Variants in VPS13B observed in about 807,000 individuals in gnomAD.
VPS13B encodes intermembrane lipid transfer protein VPS13B.
VPS13B carries 285 observed loss-of-function variants against 426.4 expected under a neutral mutation model. The observed-to-expected ratio is 0.67, with a 90% CI of 0.61 to 0.74. The LOEUF (loss-of-function observed/expected upper bound fraction) is 0.74, where lower values mean the gene tolerates loss of function less well. Among genes scored for constraint, VPS13B ranks in the 30% least tolerant of loss-of-function variants. The probability of loss-of-function intolerance (pLI) is 0.00; values close to 1 mark genes in which losing one functional copy is unlikely to be tolerated. For synonymous variants in VPS13B, 1,676 were observed against 1,676.4 expected (o/e 1.00, Z 0.01); for missense variants, 4,537 against 4,782.6 (o/e 0.95, Z 1.51).
At chr8:99,672,996 G>C (rs1047477696) in intron 35 of VPS13B, among the ~76,000 whole-genome samples, 1 of 151,906 alleles carries the variant, frequency 6.6e-6, no homozygotes, top group South Asian at 2.1e-4. Context: ...GCTTGATCAC[G>C]AGTAGATTTT....
At chr8:99,077,175 T>C (rs1845172168) in intron 3 of VPS13B, among the ~76,000 whole-genome samples, 1 of 150,636 alleles carries the variant, frequency 6.6e-6, no homozygotes, top group South Asian at 2.1e-4. Context: ...GTTACTGTTC[T>C]TTCATTTTTT....
chr8:99,188,982 C>T (rs928343402), intron 16 of VPS13B, among the ~76,000 whole-genome samples: 7 of 152,320 alleles, frequency 4.6e-5, no homozygotes, highest in Non-Finnish European at 4.4e-5. Flanking sequence ...TCACTGCAAG[C>T]TCCGCCTCCC....
At chr8:99,239,412 C>T (rs555926298) in intron 17 of VPS13B, among the ~76,000 whole-genome samples, 3 of 152,218 alleles carry the variant, frequency 2.0e-5, no homozygotes, top group Admixed American at 2.0e-4. Flanking sequence ...AACTGTGTTA[C>T]ATGTGGTTTT....
rs185707814 is a variant in VPS13B at position 99,766,117 on chromosome 8, C to T, written c.7051-657C>T. Among the ~76,000 whole-genome samples the T allele has an allele frequency of 5.1e-3, 711 of 139,938 alleles. 13 individuals carry two copies. Among genetic ancestry groups the T allele is most frequent in the Admixed American group, 0.047 (638 of 13,638 alleles). 91.8% of individuals were successfully genotyped at this position (139,938 alleles called of 152,430 possible). A position where few individuals can be genotyped will look rare whatever the true frequency, so the allele number is the denominator to read the frequency against. On this transcript the variant is annotated intron_variant, in intron 39 of 61. Coordinates refer to ENST00000357162, the MANE Select transcript of VPS13B (RefSeq NM_152564.5). ...TTGAGGCAGATTCTTGCTCTGTCGC[C>T]CAGGCTGGAGTGCAGTCACTGGTGT...
intron 3 of VPS13B, among the ~76,000 whole-genome samples, chr8:99,079,973 G>A (rs541665108): frequency 6.7e-6 from 1 of 150,118 alleles, no homozygotes; most frequent in East Asian, 1.9e-4. Flanking sequence ...GCCTGTTCAA[G>A]TTTTTTTAGT....
chr8:99,793,180 G>A (rs1446114781), intron 43 of VPS13B, among the ~76,000 whole-genome samples: 2 of 147,196 alleles, frequency 1.4e-5, no homozygotes, highest in Non-Finnish European at 1.5e-5. Context: ...CTCCAGCCTG[G>A]GCAACAGAGC....
chr8:99,107,464 C>G (rs1230658288), intron 5 of VPS13B, among the ~76,000 whole-genome samples: 2 of 151,932 alleles, frequency 1.3e-5, no homozygotes, highest in African/African-American at 4.8e-5. Flanking sequence ...ATAATTGGGC[C>G]ATCTATCTAT....
chr8:99,044,908 GC>G (rs1843152216), intron 3 of VPS13B, among the ~76,000 whole-genome samples: 1 of 119,402 alleles, frequency 8.4e-6, no homozygotes, highest in Admixed American at 8.7e-5. Flanking sequence ...ACCACCCCCC[GC>G]CCCCACGGTT....
chr8:99,786,287 A>G (rs1812261396), intron 43 of VPS13B, among the ~76,000 whole-genome samples: 1 of 152,158 alleles, frequency 6.6e-6, no homozygotes, highest in South Asian at 2.1e-4. Flanking sequence ...TATTCACAGC[A>G]TTCCTGTGCA....
chr8:99,171,641 G>A (rs1396782768), intron 16 of VPS13B, among the ~76,000 whole-genome samples: 1 of 151,904 alleles, frequency 6.6e-6, no homozygotes, highest in Non-Finnish European at 1.5e-5. Flanking sequence ...AATACTGAAA[G>A]CATGAGATCA....
At chr8:99,135,451 T>C in intron 10 of VPS13B, 145 bp from the exon 11 acceptor site, 2 of 1,127,360 alleles carry the variant, frequency 1.8e-6, no homozygotes, top group South Asian at 1.5e-5. Context: ...AAATAGTCAA[T>C]GAAGGTGGAG....
intron 19 of VPS13B, among the ~76,000 whole-genome samples, chr8:99,374,689 A>G (rs1813384596): frequency 6.6e-6 from 1 of 152,176 alleles, no homozygotes; most frequent in African/African-American, 2.4e-5. Flanking sequence ...TGATATTAGT[A>G]TAGTTCCGTT....
intron 21 of VPS13B, among the ~76,000 whole-genome samples, chr8:99,414,416 A>T (rs756553626): frequency 3.9e-5 from 6 of 152,138 alleles, no homozygotes; most frequent in African/African-American, 1.4e-4. Flanking sequence ...TAGCCCATTT[A>T]CATTTAAGGT....
At chr8:99,346,737 TGGTAGG>T (rs141185035) in intron 19 of VPS13B, 2,532 of 154,418 alleles carry the variant, frequency 0.016, 64 homozygotes, top group African/African-American at 0.058. Flanking sequence ...GATATCCTTG[TGGTAGG>T]GGTGCTGGTA....
intron 3 of VPS13B, among the ~76,000 whole-genome samples, chr8:99,088,731 G>C (rs1845979180): frequency 6.6e-6 from 1 of 152,062 alleles, no homozygotes. Context: ...AAGTTTAATT[G>C]GCTTGTTTAA....
At position 99,823,781 on chromosome 8, in the gene VPS13B, T is replaced by C. The variant is rs559637138; in HGVS notation, c.9184-51T>C. 3.2e-5 allele frequency: 51 copies of C among 1,577,644 alleles called. No individual in the cohort carries two copies. The East Asian group carries it at 6.5e-4, about 20-fold the overall frequency. On this transcript the variant is annotated intron_variant, in intron 50 of 61. Coordinates refer to ENST00000357162, the MANE Select transcript of VPS13B (RefSeq NM_152564.5). Reference sequence around the variant, plus strand: ...CCTTTTAGGAATACTCAAGAGATTTTGATATGCCTTACAGTATTGTCAAAA... The same window carrying C: ...CCTTTTAGGAATACTCAAGAGATTTCGATATGCCTTACAGTATTGTCAAAA...
chr8:99,647,508 G>A (rs914461785), intron 34 of VPS13B, among the ~76,000 whole-genome samples: 1 of 150,112 alleles, frequency 6.7e-6, no homozygotes, highest in Non-Finnish European at 1.5e-5. Flanking sequence ...GAACCTGGGA[G>A]GCAGAGGTTG....
intron 30 of VPS13B, among the ~76,000 whole-genome samples, chr8:99,555,772 C>T (rs1435351833): frequency 6.6e-6 from 1 of 152,126 alleles, no homozygotes; most frequent in African/African-American, 2.4e-5. Flanking sequence ...ATTTACTTAG[C>T]AGTGGACCCA....
intron 31 of VPS13B, among the ~76,000 whole-genome samples, chr8:99,561,223 T>A (rs35817418): frequency 0.021 from 3,158 of 152,272 alleles, 119 homozygotes; most frequent in African/African-American, 0.072. Context: ...CAACCACCAA[T>A]CTGCCTCTAA....
Sources: gnomAD v4.1 joint callset for allele counts (sites outside exome capture counted in the v4.1 genomes callset) on GRCh38, gnomAD v4.1.1 for gene constraint, MANE v1.5 for transcripts, NCBI Gene and HGNC (gene_info 2026-07-23, HGNC 2026-07-21) for gene names.